Variants in PLCL2 observed in about 807,000 individuals in gnomAD.
The protein encoded by PLCL2 is phospholipase C like 2.
Under a neutral mutation model 79.6 loss-of-function variants are expected in PLCL2, and 4 were observed. The observed-to-expected ratio is 0.05, with a 90% CI of 0.02 to 0.11. The LOEUF is 0.11. Ranked by LOEUF, PLCL2 falls within the 10% of genes least tolerant of loss-of-function variation. The pLI, the probability that PLCL2 is intolerant of heterozygous loss-of-function variation, is 1.00. For missense variants in PLCL2, 895 were observed against 1,291.0 expected, an observed-to-expected ratio of 0.69 and a Z score of 4.70; for synonymous variants, 484 against 457.7, an observed-to-expected ratio of 1.06 and a Z score of -0.73.
intron 1 of PLCL2, among the ~76,000 whole-genome samples, chr3:16,978,660 C>T (rs2063950160): frequency 1.3e-5 from 2 of 152,230 alleles, no homozygotes; most frequent in South Asian, 2.1e-4. Context: ...GAGGATGTAA[C>T]GATGTAAGGA....
chr3:17,010,405 C>G lies in PLCL2; in HGVS notation c.1059C>G (p.Ser353Arg). The change falls in exon 2 of 6, where the codon AGC becomes AGG. Residue 353 changes from serine to arginine, a missense_variant. Physicochemically the swap from Ser to Arg is moderately radical, Grantham distance 110 (BLOSUM62 -1). Coordinates refer to ENST00000615277, the MANE Select transcript of PLCL2 (RefSeq NM_001144382.2). The surrounding 1 kb of genome is among the most constrained non-coding windows in gnomAD (Gnocchi z 5.8). ...ATTTCCTTTTAGTTCAGTTTTCAAG[C>G]AATAAAGAATTCCTTGATACCAAGG... is the stretch of plus-strand genomic sequence containing the variant. ...EIYFLLVQFS[S>R]NKEFLDTKDL... The G allele has an allele frequency of 1.2e-6, 2 of 1,613,354 alleles. No homozygotes were observed. Among genetic ancestry groups the G allele is most frequent in the Non-Finnish European group, 1.7e-6 (2 of 1,179,474 alleles).
chr3:16,963,080 A>G (rs1429837220), intron 1 of PLCL2, among the ~76,000 whole-genome samples: 2 of 152,088 alleles, frequency 1.3e-5, no homozygotes, highest in Non-Finnish European at 2.9e-5. Flanking sequence ...TTTGGAAAAT[A>G]ATTGGTTGAG....
chr3:16,938,388 C>T (rs1468594335), intron 1 of PLCL2, among the ~76,000 whole-genome samples: 5 of 151,980 alleles, frequency 3.3e-5, no homozygotes, highest in Non-Finnish European at 5.9e-5. Flanking sequence ...AACAAGAGTT[C>T]GGAAAGAAAT....
At chr3:17,005,128 G>A (rs898691736) in intron 1 of PLCL2, among the ~76,000 whole-genome samples, 9 of 152,112 alleles carry the variant, frequency 5.9e-5, no homozygotes, top group African/African-American at 2.2e-4. Flanking sequence ...CAGAAAATGG[G>A]AACAAATGAG....
At chr3:17,062,583 G>C (rs1422400047) in intron 4 of PLCL2, among the ~76,000 whole-genome samples, 1 of 152,172 alleles carries the variant, frequency 6.6e-6, no homozygotes, top group African/African-American at 2.4e-5. Flanking sequence ...CTTTATTTGA[G>C]ACTTTTATAG....
At chr3:17,045,652 T>C (rs1281941907) in intron 4 of PLCL2, among the ~76,000 whole-genome samples, 1 of 151,668 alleles carries the variant, frequency 6.6e-6, no homozygotes, top group East Asian at 1.9e-4. Context: ...ACACAGAGAG[T>C]TGGGGTAAAA....
At chr3:17,064,065 G>T (rs546948038) in intron 4 of PLCL2, among the ~76,000 whole-genome samples, 3 of 152,156 alleles carry the variant, frequency 2.0e-5, no homozygotes, top group Non-Finnish European at 4.4e-5. Context: ...GGACTTTTTC[G>T]TTGGGCTAAT....
chr3:17,008,655 C>T (rs1162119815), intron 1 of PLCL2, among the ~76,000 whole-genome samples: 1 of 152,044 alleles, frequency 6.6e-6, no homozygotes, highest in East Asian at 1.9e-4. Context: ...TACGTAGAAA[C>T]AGGGCCTGTT....
In PLCL2 at chr3:17,048,989, G is replaced by A. The variant is rs143160641; in HGVS notation, c.3094+6040G>A. ...GGTCTGCAGTTGACTGCTATTTCAG[G>A]ATAAAGAAATCCAGCATAAGGACTG... On this transcript the variant is annotated intron_variant, in intron 4 of 5. Transcript: ENST00000615277. Among the ~76,000 whole-genome samples, 273 of 152,014 alleles carry A rather than the reference G, an allele frequency of 1.8e-3. 1 individual carries two copies. Among genetic ancestry groups the A allele is most frequent in the Middle Eastern group, 3.4e-3 (1 of 292 alleles).
At chr3:17,013,846 C>T (rs2064354917) in intron 2 of PLCL2, among the ~76,000 whole-genome samples, 1 of 152,180 alleles carries the variant, frequency 6.6e-6, no homozygotes, top group South Asian at 2.1e-4. Flanking sequence ...ACATCAGCAG[C>T]TTTCAGGTAA....
chr3:16,994,972 T>C (rs1025134697), intron 1 of PLCL2, among the ~76,000 whole-genome samples: 1 of 152,226 alleles, frequency 6.6e-6, no homozygotes, highest in Non-Finnish European at 1.5e-5. Context: ...AATTAGAGTG[T>C]CCAAAGGTGT....
At chr3:16,897,658 G>A (rs973404831) in intron 1 of PLCL2, among the ~76,000 whole-genome samples, 2 of 152,246 alleles carry the variant, frequency 1.3e-5, no homozygotes, top group African/African-American at 2.4e-5. Context: ...TGATTTATGC[G>A]GGGAGGATGT....
chr3:17,086,613 T>C (rs560921140), intron 5 of PLCL2, among the ~76,000 whole-genome samples: 27 of 152,336 alleles, frequency 1.8e-4, no homozygotes, highest in African/African-American at 5.8e-4. Flanking sequence ...ACTTCTGCTC[T>C]ATAAAGACAA....
intron 3 of PLCL2, among the ~76,000 whole-genome samples, chr3:17,033,895 A>C (rs1183612609): frequency 6.6e-6 from 1 of 152,036 alleles, no homozygotes; most frequent in East Asian, 1.9e-4. Context: ...GTCACTGCAA[A>C]ATTTTTTAGT....
intron 3 of PLCL2, 118 bp from the exon 4 acceptor site, chr3:17,042,756 A>G (rs2064738430): frequency 1.4e-6 from 1 of 693,732 alleles, no homozygotes; most frequent in Non-Finnish European, 2.6e-6. Flanking sequence ...GGAAAGTCAG[A>G]TAAAAAAGCG....
At chr3:16,997,815 G>A (rs1340880662) in intron 1 of PLCL2, among the ~76,000 whole-genome samples, 3 of 152,036 alleles carry the variant, frequency 2.0e-5, no homozygotes, top group Non-Finnish European at 4.4e-5. Context: ...TGGGATTACA[G>A]GCATGAGCCA....
At position 16,887,718 on chromosome 3, in the gene PLCL2, C is replaced by T. The variant is rs1020838242; in HGVS notation, c.327+2352C>T. The stretch of plus-strand genomic sequence containing the variant: ...TCCTAATAGAAAACAAAGTCTTTAA[C>T]ATCAAATTTCATAAAGCAACAAATA... On this transcript the variant is annotated intron_variant, in intron 1 of 5. Coordinates refer to ENST00000615277, the MANE Select transcript of PLCL2 (RefSeq NM_001144382.2). The surrounding 1 kb of genome is among the most constrained non-coding windows in gnomAD (Gnocchi z 4.1). 6.6e-6 allele frequency among the ~76,000 whole-genome samples: 1 copy of T among 151,896 alleles called. No individual in the cohort carries two copies. Among genetic ancestry groups the T allele is most frequent in the Admixed American group, 6.6e-5 (1 of 15,256 alleles).
intron 1 of PLCL2, among the ~76,000 whole-genome samples, chr3:16,956,225 G>C (rs1171191013): frequency 6.6e-6 from 1 of 152,154 alleles, no homozygotes; most frequent in Admixed American, 6.5e-5. Flanking sequence ...TTTATTGAGA[G>C]TTTTTAGCAT....
intron 1 of PLCL2, among the ~76,000 whole-genome samples, chr3:16,901,821 A>G (rs1333639702): frequency 1.3e-5 from 2 of 152,158 alleles, no homozygotes; most frequent in African/African-American, 4.8e-5. Context: ...TTTCAGCTGT[A>G]TCTAAAGAGT....
Sources: gnomAD v4.1 joint callset for allele counts (sites outside exome capture counted in the v4.1 genomes callset) on GRCh38, gnomAD v4.1.1 for gene constraint, Gnocchi (gnomAD v3.1) non-coding constraint, MANE v1.5 for transcripts, NCBI Gene and HGNC (gene_info 2026-07-23, HGNC 2026-07-21) for gene names.